The following MEF2B variants were observed in gnomAD, a reference collection of about 807,000 sequenced individuals.
The protein encoded by MEF2B is myocyte-specific enhancer factor 2B.
Under a neutral mutation model 32.2 loss-of-function variants are expected in MEF2B, and 15 were observed. The ratio of observed to expected loss-of-function variants is 0.47; its 90% CI spans 0.31 to 0.72. The LOEUF (loss-of-function observed/expected upper bound fraction) is 0.72, where lower values mean the gene tolerates loss of function less well. MEF2B is among the 30% of genes least tolerant of loss of function. The probability of loss-of-function intolerance (pLI) is 0.05; values close to 1 mark genes in which losing one functional copy is unlikely to be tolerated. For missense variants in MEF2B, 441 were observed against 511.5 expected, an observed-to-expected ratio of 0.86 and a Z score of 1.33; for synonymous variants, 205 against 225.6, an observed-to-expected ratio of 0.91 and a Z score of 0.82.
intron 1 of MEF2B, among the ~76,000 whole-genome samples, chr19:19,160,366 A>G (rs984950968): frequency 2.6e-5 from 4 of 151,952 alleles, no homozygotes; most frequent in African/African-American, 9.7e-5. Flanking sequence ...ATCCTGCAAG[A>G]CCACCTTGAA....
chr19:19,148,774 C>G (rs968216126), intron 3 of MEF2B, among the ~76,000 whole-genome samples: 1 of 151,738 alleles, frequency 6.6e-6, no homozygotes, highest in Non-Finnish European at 1.5e-5. Flanking sequence ...TGCAGTGGCT[C>G]GATCTCGGCT....
chr19:19,159,520 TAC>T, intron 1 of MEF2B, among the ~76,000 whole-genome samples: 1 of 151,830 alleles, frequency 6.6e-6, no homozygotes, highest in East Asian at 1.9e-4. Flanking sequence ...CAGTGGGAAA[TAC>T]AGAGTTTGAA....
intron 1 of MEF2B, among the ~76,000 whole-genome samples, chr19:19,161,207 C>T (rs1337962339): frequency 2.0e-5 from 3 of 152,014 alleles, no homozygotes; most frequent in African/African-American, 7.3e-5. Flanking sequence ...CTTGGGGTCA[C>T]CTCTCCATCC....
rs774186183 is a variant in MEF2B, at chr19:19,146,894, CAGAG to C, written c.542-23_542-20del. ...ACCAGGCCTGGGGAAGAGGAGACCCCAGAGAGAGAGGACAGGCAGGCCATGTCAA... is the reference window on the plus strand; with the variant it reads ...ACCAGGCCTGGGGAAGAGGAGACCCCAGAGAGGACAGGCAGGCCATGTCAA... On this transcript the variant is annotated intron_variant, in intron 5 of 8. Transcript: ENST00000424583. 2 of 1,605,374 alleles carry C rather than the reference CAGAG, an allele frequency of 1.2e-6. No homozygotes were observed. The highest frequency in any genetic ancestry group is 1.7e-5 in the Admixed American group (1 of 59,138).
Position 19,145,992 on chromosome 19 carries a change from G to GGGAC in MEF2B, c.908_911dup (p.Pro305SerfsTer18), listed in dbSNP as rs1568544238. 7.0e-7 allele frequency: 1 copy of GGGAC among 1,435,962 alleles called. No individual in the cohort carries two copies. Among genetic ancestry groups the GGGAC allele is most frequent in the African/African-American group, 1.5e-5 (1 of 67,434 alleles). 89.0% of individuals were successfully genotyped at this position (1,435,962 alleles called of 1,614,324 possible). ...TCGGCGGGGAGGCGCCGCGGGTTGG[G>GGGAC]GGACCCTCCTCGCCCAGGCTTCGGC... On this transcript the variant is annotated frameshift_variant, in exon 9 of 9. Transcript: ENST00000424583. LOFTEE classifies it low-confidence loss of function (END_TRUNC). This position sits in a 1 kb window ranked among gnomAD's most constrained non-coding sequence, Gnocchi z 4.6.
rs1158237766 is a variant in MEF2B, at chr19:19,145,647, A to C, written c.*150T>G. On this transcript the variant is annotated 3_prime_UTR_variant, in exon 9 of 9. Transcript: ENST00000424583. The surrounding 1 kb of genome is among the most constrained non-coding windows in gnomAD (Gnocchi z 4.6). Reference sequence around the variant, plus strand: ...GAAGGAAAGGAGCCCCCCAGGGTGGATTGAGTCCAGCCGCCCACCTCCAAG... The same window carrying C: ...GAAGGAAAGGAGCCCCCCAGGGTGGCTTGAGTCCAGCCGCCCACCTCCAAG... 1.3e-6 allele frequency: 2 copies of C among 1,515,364 alleles called. No homozygotes were observed. Among genetic ancestry groups the C allele is most frequent in the Admixed American group, 4.5e-5 (2 of 44,208 alleles). The allele number at this position is 1,515,364 out of a possible 1,614,324, so 93.9% of individuals were successfully genotyped here.
chr19:19,161,254 T>C (rs1437922373), intron 1 of MEF2B, among the ~76,000 whole-genome samples: 1 of 151,722 alleles, frequency 6.6e-6, no homozygotes, highest in African/African-American at 2.4e-5. Flanking sequence ...CCCCAAAAAG[T>C]CCCTGGTGGA....
chr19:19,145,643 G>A lies in MEF2B; in HGVS notation c.*154C>T. ...GGAAGAAGGAAAGGAGCCCCCCAGG[G>A]TGGATTGAGTCCAGCCGCCCACCTC... is the stretch of plus-strand genomic sequence containing the variant. On this transcript the variant is annotated 3_prime_UTR_variant, in exon 9 of 9. Transcript: ENST00000424583. The surrounding 1 kb of genome is among the most constrained non-coding windows in gnomAD (Gnocchi z 4.6). 1 of 1,508,538 alleles carries A rather than the reference G, an allele frequency of 6.6e-7. No homozygotes were observed. Among genetic ancestry groups the A allele is most frequent in the Non-Finnish European group, 8.9e-7 (1 of 1,122,230 alleles). The allele number at this position is 1,508,538 out of a possible 1,614,324, so 93.4% of individuals were successfully genotyped here. A position where few individuals can be genotyped will look rare whatever the true frequency, so the allele number is the denominator to read the frequency against.
At chr19:19,164,687 G>T (rs2283621) in intron 1 of MEF2B, among the ~76,000 whole-genome samples, 1 of 152,032 alleles carries the variant, frequency 6.6e-6, no homozygotes, top group Admixed American at 6.6e-5. Flanking sequence ...GATGGCGGGC[G>T]CCTGTAATCC....
At chr19:19,150,541 AAAG>A in intron 2 of MEF2B, 138 bp downstream of exon 2, 56 of 1,114,214 alleles carry the variant, frequency 5.0e-5, no homozygotes, top group Admixed American at 2.1e-4. Context: ...AAAAAAAAAA[AAAG>A]AAAGGCTGAC....
chr19:19,165,546 C>T (rs970222387), intron 1 of MEF2B, among the ~76,000 whole-genome samples: 1 of 152,088 alleles, frequency 6.6e-6, no homozygotes, highest in African/African-American at 2.4e-5. Context: ...CAGGCAAACC[C>T]CACACATCTG....
chr19:19,154,253 T>G (rs1198936854), intron 1 of MEF2B, among the ~76,000 whole-genome samples: 1 of 152,174 alleles, frequency 6.6e-6, no homozygotes, highest in East Asian at 1.9e-4. Context: ...AACCTCCACC[T>G]CCCAGGTTCA....
chr19:19,148,333 C>T lies in MEF2B; in HGVS notation c.259-501G>A, dbSNP rs551288396. On this transcript the variant is annotated intron_variant, in intron 3 of 8. Coordinates refer to ENST00000424583, the MANE Select transcript of MEF2B (RefSeq NM_001145785.2). ...TATAAAAATTAGCCAGGCATGGTGG[C>T]GTATGCCTGTGGTCAGAGCTATTTG... Among the ~76,000 whole-genome samples, 3 of 152,242 alleles carry T rather than the reference C, an allele frequency of 2.0e-5. No homozygotes were observed. The East Asian group carries it at 5.8e-4, about 29-fold the overall frequency.
chr19:19,147,977 C>T (rs1304296618), intron 3 of MEF2B, 145 bp from the exon 4 acceptor site: 2 of 1,371,966 alleles, frequency 1.5e-6, no homozygotes, highest in Non-Finnish European at 1.9e-6. Context: ...CCAAACCCCA[C>T]TGACCAAACC....
At chr19:19,150,095 A>G (rs1343976435) in intron 2 of MEF2B, among the ~76,000 whole-genome samples, 1 of 147,082 alleles carries the variant, frequency 6.8e-6, no homozygotes, top group Non-Finnish European at 1.5e-5. Context: ...AAAAAAAAAA[A>G]AAAAAAAAAA....
At chr19:19,166,597 T>TA (rs56322437) in intron 1 of MEF2B, among the ~76,000 whole-genome samples, 4,847 of 130,126 alleles carry the variant, frequency 0.037, 143 homozygotes, top group Middle Eastern at 0.074. Flanking sequence ...CATCTCCAAT[T>TA]AAAAAAAAAA....
intron 4 of MEF2B, among the ~76,000 whole-genome samples, chr19:19,147,471 A>G (rs1568545710): frequency 6.6e-6 from 1 of 151,830 alleles, no homozygotes; most frequent in South Asian, 2.1e-4. Flanking sequence ...TGAATCAAAG[A>G]TGAAATGAAG....
chr19:19,150,265 C>T (rs1160306236), intron 2 of MEF2B, among the ~76,000 whole-genome samples: 1 of 150,378 alleles, frequency 6.6e-6, no homozygotes, highest in African/African-American at 2.4e-5. Context: ...CGCGGTGGCT[C>T]ACGCCTGTAA....
At position 19,145,773 on chromosome 19, in the gene MEF2B, G is replaced by T. The variant is rs1178747030; in HGVS notation, c.*24C>A. ...CCTCGCCGTACCTGGCGAGCGCTCT[G>T]GGCTGGTGCCACCGGGTGATCTCCT... On this transcript the variant is annotated 3_prime_UTR_variant, in exon 9 of 9. Transcript: ENST00000424583. This position sits in a 1 kb window ranked among gnomAD's most constrained non-coding sequence, Gnocchi z 4.6. 6.4e-7 allele frequency: 1 copy of T among 1,552,936 alleles called. No individual in the cohort carries two copies. Among genetic ancestry groups the T allele is most frequent in the South Asian group, 1.2e-5 (1 of 84,340 alleles).
Sources: gnomAD v4.1 joint callset for allele counts (sites outside exome capture counted in the v4.1 genomes callset) on GRCh38, gnomAD v4.1.1 for gene constraint, Gnocchi (gnomAD v3.1) non-coding constraint, MANE v1.5 for transcripts, NCBI Gene and HGNC (gene_info 2026-07-23, HGNC 2026-07-21) for gene names.